ARHGEF9: variants seen among roughly 807,000 people sequenced by gnomAD.
ARHGEF9 encodes the protein Cdc42 guanine nucleotide exchange factor 9.
In ARHGEF9, 2 loss-of-function variants were observed where a neutral mutation model predicts 41.3. The ratio of observed to expected loss-of-function variants is 0.05; its 90% CI spans 0.02 to 0.15. The LOEUF (loss-of-function observed/expected upper bound fraction) is 0.15. Ranked by LOEUF, ARHGEF9 falls within the 10% of genes least tolerant of loss-of-function variation. The pLI is 1.00. For missense variants in ARHGEF9, 225 were observed against 424.7 expected (o/e 0.53, Z 4.13); for synonymous variants, 160 against 154.4 (o/e 1.04, Z -0.27).
chrX:63,733,197 G>A (rs1362214609), intron 1 of ARHGEF9, among the ~76,000 whole-genome samples: 1 of 112,431 alleles, frequency 8.9e-6, no homozygotes, highest in Non-Finnish European at 1.9e-5. Flanking sequence ...CTCTGAGGCA[G>A]AACACAGCAA....
intron 1 of ARHGEF9, among the ~76,000 whole-genome samples, chrX:63,779,857 T>C (rs1409121338): frequency 9.0e-6 from 1 of 111,659 alleles, no homozygotes; most frequent in Non-Finnish European, 1.9e-5. Flanking sequence ...AAACATCGTT[T>C]TTCCCTTCTT....
chrX:63,785,004 C>A (rs1239025137), intron 1 of ARHGEF9, 112 bp downstream of exon 1: 5 of 946,343 alleles, frequency 5.3e-6, no homozygotes, highest in African/African-American at 3.9e-5. Flanking sequence ...GCGGCTAGGG[C>A]GGTGGGCAGA....
chrX:63,700,405 G>A (rs2052075403), intron 3 of ARHGEF9, among the ~76,000 whole-genome samples: 1 of 111,831 alleles, frequency 8.9e-6, no homozygotes, highest in Admixed American at 9.5e-5. Context: ...CATCAGTGGT[G>A]AACAGAGGGT....
intron 1 of ARHGEF9, among the ~76,000 whole-genome samples, chrX:63,752,179 T>C (rs1556441932): frequency 9.2e-6 from 1 of 108,987 alleles, no homozygotes; most frequent in African/African-American, 3.4e-5. Flanking sequence ...TTTTCACTTG[T>C]CTTTCCAGCT....
chrX:63,731,228 C>T (rs1556419859), intron 1 of ARHGEF9, among the ~76,000 whole-genome samples: 1 of 111,743 alleles, frequency 8.9e-6, no homozygotes, highest in African/African-American at 3.3e-5. Context: ...CTCAGAAGGC[C>T]CCCTTCTCCT....
chrX:63,643,298 G>T (rs1423871202), intron 9 of ARHGEF9, among the ~76,000 whole-genome samples: 1 of 111,130 alleles, frequency 9.0e-6, no homozygotes, highest in Non-Finnish European at 1.9e-5. Flanking sequence ...ATTGTGATTT[G>T]GGTCTCCTGA....
chrX:63,691,678 A>G (rs2051357930), intron 4 of ARHGEF9, among the ~76,000 whole-genome samples: 2 of 111,416 alleles, frequency 1.8e-5, no homozygotes, highest in Admixed American at 9.6e-5. Flanking sequence ...AATACCAATG[A>G]CATTCACCAC....
intron 5 of ARHGEF9, among the ~76,000 whole-genome samples, chrX:63,674,895 G>A (rs1569459243): frequency 9.0e-6 from 1 of 111,688 alleles, no homozygotes. Flanking sequence ...TAGAAAGGGA[G>A]CTGGAACTTG....
chrX:63,658,933 A>C, intron 7 of ARHGEF9, among the ~76,000 whole-genome samples: 1 of 111,583 alleles, frequency 9.0e-6, no homozygotes, highest in East Asian at 2.8e-4. Context: ...TATGCTTCCT[A>C]TTCCAATCTT....
chrX:63,713,471 C>T lies in ARHGEF9; in HGVS notation c.211-7022G>A, dbSNP rs367863907. ...ATTCTAATCATTCTAATCATGAGCT[C>T]TGTCTCTGTCTGAATAAAGTTGCCA... is the stretch of plus-strand genomic sequence containing the variant. On this transcript the variant is annotated intron_variant, in intron 2 of 9. Transcript: ENST00000671741. Among the ~76,000 whole-genome samples the T allele has an allele frequency of 8.2e-5, 9 of 109,957 alleles. No homozygotes were observed. The East Asian group carries it at 2.0e-3, about 24-fold the overall frequency.
intron 8 of ARHGEF9, among the ~76,000 whole-genome samples, chrX:63,651,145 A>T (rs782160945): frequency 3.0e-4 from 33 of 111,424 alleles, no homozygotes; most frequent in African/African-American, 1.0e-3. Context: ...GTTACATATT[A>T]AAAAATTTAA....
chrX:63,747,467 C>G (rs1556435525), intron 1 of ARHGEF9, among the ~76,000 whole-genome samples: 1 of 112,211 alleles, frequency 8.9e-6, no homozygotes, highest in East Asian at 2.8e-4. Flanking sequence ...TAAAATTTCA[C>G]CATCTGTGAA....
At chrX:63,735,757 G>A (rs1181298994) in intron 1 of ARHGEF9, among the ~76,000 whole-genome samples, 2 of 111,898 alleles carry the variant, frequency 1.8e-5, no homozygotes, top group African/African-American at 6.5e-5. Context: ...ACACAGGCTT[G>A]CAAAAACTCT....
intron 3 of ARHGEF9, among the ~76,000 whole-genome samples, chrX:63,705,362 T>C (rs1425252289): frequency 4.6e-5 from 4 of 86,424 alleles, no homozygotes; most frequent in African/African-American, 2.0e-4. Flanking sequence ...AGAGAATGTG[T>C]GTGTGTGTGT....
chrX:63,645,177 G>A (rs1175494857), intron 8 of ARHGEF9, among the ~76,000 whole-genome samples: 2 of 110,523 alleles, frequency 1.8e-5, no homozygotes, highest in Non-Finnish European at 3.8e-5. Flanking sequence ...AAACCTCTGA[G>A]ATACAGTTGA....
Position 63,635,767 on chromosome X carries a change from C to T in ARHGEF9, c.*2261G>A. ...CAGAAACTTGTCCAAGCATCCCCTC[C>T]CGGTGTGCTGCCAACCCTCGAAGAA... On this transcript the variant is annotated 3_prime_UTR_variant, in exon 10 of 10. Transcript: ENST00000671741. 1.1e-5 allele frequency: 2 copies of T among 180,760 alleles called. No homozygotes were observed. Among genetic ancestry groups the T allele is most frequent in the Non-Finnish European group, 2.0e-5 (2 of 100,158 alleles). The allele number at this position is 180,760 out of a possible 1,213,427, so 14.9% of individuals were successfully genotyped here. A position where few individuals can be genotyped will look rare whatever the true frequency, so the allele number is the denominator to read the frequency against.
intron 4 of ARHGEF9, among the ~76,000 whole-genome samples, chrX:63,694,183 C>CA (rs782168332): frequency 0.035 from 2,605 of 73,675 alleles, 51 homozygotes; most frequent in African/African-American, 0.069. Context: ...ACTCTGTCTC[C>CA]AAAAAAAAAA....
rs1209249939 is a variant in ARHGEF9 at position 63,682,910 on chromosome X, C to T, written c.583-4338G>A. ...AATGGTGAAAAATGGAAAGCTTTTC[C>T]TCTAAGATCTGGTATAAGACAAGGA... On this transcript the variant is annotated intron_variant, in intron 4 of 9. Transcript: ENST00000671741. Among the ~76,000 whole-genome samples, 6 of 111,284 alleles carry T rather than the reference C, an allele frequency of 5.4e-5. No individual in the cohort carries two copies. In the East Asian group the frequency reaches 1.4e-3, roughly 26 times the overall value.
chrX:63,671,933 G>T (rs1237738395), intron 6 of ARHGEF9, among the ~76,000 whole-genome samples: 1 of 112,019 alleles, frequency 8.9e-6, no homozygotes, highest in Non-Finnish European at 1.9e-5. Context: ...GTTCCACAGT[G>T]ACCTCAGTCT....
Sources: gnomAD v4.1 joint callset for allele counts (sites outside exome capture counted in the v4.1 genomes callset) on GRCh38, gnomAD v4.1.1 for gene constraint, MANE v1.5 for transcripts, NCBI Gene and HGNC (gene_info 2026-07-23, HGNC 2026-07-21) for gene names.